SLC2A7: variants seen among roughly 807,000 people sequenced by gnomAD.
SLC2A7 encodes the protein solute carrier family 2 member 7.
In SLC2A7, 50 loss-of-function variants were observed where a neutral mutation model predicts 50.5. The ratio of observed to expected loss-of-function variants is 0.99; its 90% CI spans 0.79 to 1.25. The LOEUF (loss-of-function observed/expected upper bound fraction) is 1.25. Among genes scored for constraint, SLC2A7 ranks in the 50% most tolerant of loss-of-function variants. The pLI, the probability that SLC2A7 is intolerant of heterozygous loss-of-function variation, is 0.00. For synonymous variants in SLC2A7, 308 were observed against 300.4 expected (o/e 1.03, Z -0.26); for missense variants, 683 against 679.1 (o/e 1.01, Z -0.06).
downstream of SLC2A7, among the ~76,000 whole-genome samples, chr1:9,001,323 T>C (rs12047015): frequency 0.21 from 31,938 of 151,716 alleles, 3,832 homozygotes; most frequent in Non-Finnish European, 0.27. Context: ...GAAACCCACG[T>C]TATGACAATA....
chr1:9,003,252 C>T lies in SLC2A7; in HGVS notation c.*48G>A. The T allele has an allele frequency of 2.5e-6, 4 of 1,589,676 alleles. No individual in the cohort carries two copies. Among genetic ancestry groups the T allele is most frequent in the Non-Finnish European group, 3.4e-6 (4 of 1,161,828 alleles). ...AGCCTGGGGCCGGGAGGCCCATTGT[C>T]ATAGAAGGAAGCCTTGAATATGGGC... On this transcript the variant is annotated 3_prime_UTR_variant, in exon 12 of 12. Coordinates refer to ENST00000400906, the MANE Select transcript of SLC2A7 (RefSeq NM_207420.3).
chr1:9,001,166 C>T (rs907578954), downstream of SLC2A7, among the ~76,000 whole-genome samples: 9 of 152,204 alleles, frequency 5.9e-5, no homozygotes, highest in Middle Eastern at 3.4e-3. Flanking sequence ...GAGGACCTCC[C>T]GCTGGACAGG....
In SLC2A7 at chr1:9,015,156, A is replaced by G; in HGVS notation, c.676T>C (p.Ser226Pro). 1 of 1,613,334 alleles carries G rather than the reference A, an allele frequency of 6.2e-7. No individual in the cohort carries two copies. The highest frequency in any genetic ancestry group is 8.5e-7 in the Non-Finnish European group (1 of 1,179,812). Residue 226 changes from serine (S) to proline (P), a missense_variant, in exon 6 of 12, where the codon TCC becomes CCC. Transcript: ENST00000400906. ...LPFFPESPRY[S>P]LIQKGDEATA... The stretch of plus-strand genomic sequence containing the variant: ...GCTTCATCTCCTTTCTGAATCAGGG[A>G]GTAGCGGGGGCTTTCGGGGAAGAAG...
chr1:8,998,831 G>T (rs1375866903), downstream of SLC2A7, among the ~76,000 whole-genome samples: 1 of 152,044 alleles, frequency 6.6e-6, no homozygotes, highest in Non-Finnish European at 1.5e-5. Context: ...ATATATTATT[G>T]GAGTCTGCTT....
intron 2 of SLC2A7, among the ~76,000 whole-genome samples, chr1:9,023,759 A>C (rs1640949929): frequency 1.4e-5 from 1 of 73,460 alleles, no homozygotes; most frequent in African/African-American, 5.3e-5. Context: ...AAGAAGAGAA[A>C]AGAAAAGAAA....
intron 8 of SLC2A7, among the ~76,000 whole-genome samples, chr1:9,013,311 T>A (rs1177479293): frequency 1.3e-5 from 2 of 152,218 alleles, no homozygotes; most frequent in African/African-American, 4.8e-5. Context: ...ATTACAAGTG[T>A]GAGCCGCCGC....
At chr1:9,006,129 C>T (rs1640649997) in intron 10 of SLC2A7, among the ~76,000 whole-genome samples, 1 of 152,218 alleles carries the variant, frequency 6.6e-6, no homozygotes, top group South Asian at 2.1e-4. Context: ...CCAGGTGACA[C>T]ACAGGCAGTG....
chr1:9,015,161 C>T lies in SLC2A7; in HGVS notation c.671G>A (p.Arg224His), dbSNP rs199994353. ...ATCTCCTTTCTGAATCAGGGAGTAG[C>T]GGGGGCTTTCGGGGAAGAAGGGCAG... ...LTLPFFPESP[R>H]YSLIQKGDEA... The change falls in exon 6 of 12, where the codon CGC becomes CAC. Residue 224 changes from arginine to histidine, a missense_variant. Coordinates refer to ENST00000400906, the MANE Select transcript of SLC2A7 (RefSeq NM_207420.3). 85 of 1,612,944 alleles carry T rather than the reference C, an allele frequency of 5.3e-5. No homozygotes were observed. In the South Asian group the frequency reaches 5.4e-4, roughly 10 times the overall value.
Position 9,004,874 on chromosome 1 carries a change from C to G in SLC2A7, c.1198G>C (p.Val400Leu). ...IAGHSIGPSP[V>L]PSVVRTEIFL... ...ATCTCGGTCCTCACCACCGAGGGGA[C>G]AGGACCTGGAGGGCAGAGCAGGATG... The change falls in exon 11 of 12, where the codon GTC (valine) becomes CTC (leucine). Residue 400 changes from valine to leucine, a missense_variant. Physicochemically the swap from Val to Leu is conservative, Grantham distance 32. Transcript: ENST00000400906. 1 of 1,613,566 alleles carries G rather than the reference C, an allele frequency of 6.2e-7. No individual in the cohort carries two copies. The highest frequency in any genetic ancestry group is 8.5e-7 in the Non-Finnish European group (1 of 1,179,708).
Position 9,015,155 on chromosome 1 carries a change from G to A in SLC2A7, c.677C>T (p.Ser226Phe), listed in dbSNP as rs1420257243. 2 of 1,613,450 alleles carry A rather than the reference G, an allele frequency of 1.2e-6. No individual in the cohort carries two copies. Among genetic ancestry groups the A allele is most frequent in the Non-Finnish European group, 1.7e-6 (2 of 1,179,840 alleles). Reference protein sequence around the residue: ...LPFFPESPRYSLIQKGDEATA... With the variant: ...LPFFPESPRYFLIQKGDEATA... ...GGCTTCATCTCCTTTCTGAATCAGG[G>A]AGTAGCGGGGGCTTTCGGGGAAGAA... Residue 226 changes from serine to phenylalanine, a missense_variant, in exon 6 of 12, where the codon TCC becomes TTC. Transcript: ENST00000400906.
chr1:9,014,690 G>T lies in SLC2A7; in HGVS notation c.894C>A (p.Gly298=). 6.4e-7 allele frequency: 1 copy of T among 1,556,704 alleles called. No individual in the cohort carries two copies. The highest frequency in any genetic ancestry group is 2.4e-5 in the East Asian group (1 of 41,366). The change falls in exon 7 of 12, where the codon GGC becomes GGA. Residue 298 remains glycine (G), a synonymous_variant. Coordinates refer to ENST00000400906, the MANE Select transcript of SLC2A7 (RefSeq NM_207420.3). ...CCACCGTCCCACATACCGCATTGAT[G>T]CCCGACAGCTGCTGGCCGGCCATGA... ...IVLMAGQQLS[G]INAINYYADT...
the SLC2A7 span, among the ~76,000 whole-genome samples, chr1:8,994,065 C>T: frequency 1.3e-5 from 2 of 152,160 alleles, no homozygotes; most frequent in African/African-American, 4.8e-5. Context: ...TTTTCTATGC[C>T]TGAAAATGGA....
At chr1:9,015,079 G>A in intron 6 of SLC2A7, 38 bp downstream of exon 6, 1 of 1,610,396 alleles carries the variant, frequency 6.2e-7, no homozygotes, top group East Asian at 2.2e-5. Flanking sequence ...GGCCCCCGGG[G>A]TGGGCAGGGC....
In SLC2A7 at chr1:9,003,085, G is replaced by T. The variant is rs534999152; in HGVS notation, c.*215C>A. Among the ~76,000 whole-genome samples the T allele has an allele frequency of 6.6e-6, 1 of 152,148 alleles. No individual in the cohort carries two copies. The highest frequency in any genetic ancestry group is 6.6e-5 in the Admixed American group (1 of 15,262). On this transcript the variant is annotated 3_prime_UTR_variant, in exon 12 of 12. Transcript: ENST00000400906. ...CTTAACCAATCAAAATTCACGTGCCGGCCCCTTCCTCCAGGTCATTCCTCA... is the reference window on the plus strand; with the variant it reads ...CTTAACCAATCAAAATTCACGTGCCTGCCCCTTCCTCCAGGTCATTCCTCA...
rs1640698460 is a variant in SLC2A7 at position 9,008,802 on chromosome 1, G to C, written c.1116+1341C>G. Among the ~76,000 whole-genome samples the C allele has an allele frequency of 6.6e-6, 1 of 152,112 alleles. No individual in the cohort carries two copies. The highest frequency in any genetic ancestry group is 1.5e-5 in the Non-Finnish European group (1 of 68,032). On this transcript the variant is annotated intron_variant, in intron 9 of 11. Transcript: ENST00000400906. The surrounding 1 kb of genome is among the most constrained non-coding windows in gnomAD (Gnocchi z 5.9). ...AATAGAGACGGGGTTTCACCACGTGGTCAGGCTGCTCTAGAACTCCTGACC... is the reference window on the plus strand; with the variant it reads ...AATAGAGACGGGGTTTCACCACGTGCTCAGGCTGCTCTAGAACTCCTGACC...
intron 4 of SLC2A7, among the ~76,000 whole-genome samples, chr1:9,018,734 C>CTT (rs1203319628): frequency 2.0e-5 from 3 of 152,238 alleles, no homozygotes; most frequent in African/African-American, 7.2e-5. Context: ...GCTTGTCTAA[C>CTT]TTTTATTCAT....
In SLC2A7 at chr1:9,003,072, A is replaced by C. The variant is rs1640598054; in HGVS notation, c.*228T>G. Among the ~76,000 whole-genome samples the C allele has an allele frequency of 6.6e-6, 1 of 152,230 alleles. No individual in the cohort carries two copies. The highest frequency in any genetic ancestry group is 1.5e-5 in the Non-Finnish European group (1 of 68,044). On this transcript the variant is annotated 3_prime_UTR_variant, in exon 12 of 12. Transcript: ENST00000400906. ...CGGAAAATCGAGTCTTAACCAATCAAAATTCACGTGCCGGCCCCTTCCTCC... is the reference window on the plus strand; with the variant it reads ...CGGAAAATCGAGTCTTAACCAATCACAATTCACGTGCCGGCCCCTTCCTCC...
chr1:8,998,923 G>C (rs780351463), downstream of SLC2A7, among the ~76,000 whole-genome samples: 2 of 152,198 alleles, frequency 1.3e-5, no homozygotes, highest in Non-Finnish European at 2.9e-5. Context: ...CTTCAGTGCT[G>C]TTTTGGTGCC....
the SLC2A7 span, among the ~76,000 whole-genome samples, chr1:8,997,012 A>G: frequency 1.8e-3 from 269 of 152,234 alleles, 2 homozygotes; most frequent in African/African-American, 6.4e-3. Context: ...TCCTGATCTC[A>G]AGTGATCCAC....
Sources: gnomAD v4.1 joint callset for allele counts (sites outside exome capture counted in the v4.1 genomes callset) on GRCh38, gnomAD v4.1.1 for gene constraint, Gnocchi (gnomAD v3.1) non-coding constraint, MANE v1.5 for transcripts, NCBI Gene and HGNC (gene_info 2026-07-23, HGNC 2026-07-21) for gene names.